Variants in ZNF345 observed in about 807,000 individuals in gnomAD.
ZNF345 encodes the protein zinc finger protein HZF10.
For missense variants in ZNF345, 527 were observed against 589.9 expected, an observed-to-expected ratio of 0.89 and a Z score of 1.10; for synonymous variants, 166 against 187.9, an observed-to-expected ratio of 0.88 and a Z score of 0.95.
At chr19:36,865,843 C>G (rs1373780467) in intron 2 of ZNF345, among the ~76,000 whole-genome samples, 1 of 152,152 alleles carries the variant, frequency 6.6e-6, no homozygotes, top group Admixed American at 6.5e-5. Flanking sequence ...TTACCTTCCA[C>G]TCATAGCTTG....
chr19:36,893,036 A>G (rs2146226054), downstream of ZNF345: 11 of 402,306 alleles, frequency 2.7e-5, no homozygotes, highest in East Asian at 3.9e-4. Flanking sequence ...TCACATGCAC[A>G]GAGTATGATA....
intron 3 of ZNF345, among the ~76,000 whole-genome samples, chr19:36,887,917 AAAT>A: frequency 6.6e-6 from 1 of 152,342 alleles, no homozygotes; most frequent in Admixed American, 6.5e-5. Context: ...AATCTAGAAA[AAAT>A]AATAGTTATG....
chr19:36,862,413 A>G (rs2072567931), intron 2 of ZNF345, among the ~76,000 whole-genome samples: 2 of 151,782 alleles, frequency 1.3e-5, no homozygotes, highest in African/African-American at 4.8e-5. Context: ...CTGTAATCCC[A>G]GCACTTTGGG....
chr19:36,877,663 GA>G lies in ZNF345; in HGVS notation c.835del (p.Ile279PhefsTer112). On this transcript the variant is annotated frameshift_variant, in exon 3 of 3. Transcript: ENST00000420450. LOFTEE classifies it low-confidence loss of function (END_TRUNC). The part of the protein sequence containing the change: ...SFGSALTRHQ[R>X]IHTGEKPYVC... The stretch of plus-strand genomic sequence containing the variant: ...GGATCAGCCCTTACTCGACATCAAA[GA>G]ATTCATACTGGTGAGAAACCTTATG... The G allele has an allele frequency of 6.2e-7, 1 of 1,614,038 alleles. No homozygotes were observed. The highest frequency in any genetic ancestry group is 8.5e-7 in the Non-Finnish European group (1 of 1,180,002).
intron 2 of ZNF345, among the ~76,000 whole-genome samples, chr19:36,875,551 C>G (rs1404514638): frequency 6.6e-6 from 1 of 152,076 alleles, no homozygotes; most frequent in African/African-American, 2.4e-5. Flanking sequence ...CTTTTAAGAG[C>G]GAGTTCATTT....
chr19:36,891,934 T>C (rs752088177), intron 3 of ZNF345: 1 of 1,614,048 alleles, frequency 6.2e-7, no homozygotes, highest in Non-Finnish European at 8.5e-7. Flanking sequence ...AATTCTCAGA[T>C]GTAGAAAAAG....
At chr19:36,880,271 C>T (rs934614187), downstream of ZNF345, among the ~76,000 whole-genome samples, 7 of 151,978 alleles carry the variant, frequency 4.6e-5, no homozygotes, top group Non-Finnish European at 5.9e-5. Context: ...ACCAAGATTG[C>T]ACCACTGAAC....
intron 2 of ZNF345, among the ~76,000 whole-genome samples, chr19:36,875,854 C>T (rs2072872297): frequency 6.6e-6 from 1 of 152,144 alleles, no homozygotes; most frequent in African/African-American, 2.4e-5. Flanking sequence ...CTTTCCTAGC[C>T]TCTACTTTTG....
rs766852183 is a variant in ZNF345, at chr19:36,877,883, T to C, written c.1053T>C (p.Phe351=). The C allele has an allele frequency of 1.2e-5, 19 of 1,613,938 alleles. No individual in the cohort carries two copies. Among genetic ancestry groups the C allele is most frequent in the Non-Finnish European group, 3.4e-6 (4 of 1,180,000 alleles). ...AATGTAAGGAATGTGGGAAGACCTTTAGTAGTGGTTCAGACCTTACTCAAC... is the reference window on the plus strand; with the variant it reads ...AATGTAAGGAATGTGGGAAGACCTTCAGTAGTGGTTCAGACCTTACTCAAC... The part of the protein sequence containing the change: ...PYECKECGKT[F]SSGSDLTQHH... The change falls in exon 3 of 3, where the codon TTT becomes TTC. Residue 351 remains phenylalanine, a synonymous_variant. Coordinates refer to ENST00000420450, the MANE Select transcript of ZNF345 (RefSeq NM_001242472.2).
intron 3 of ZNF345, among the ~76,000 whole-genome samples, chr19:36,886,491 A>G (rs1447152765): frequency 6.6e-6 from 1 of 152,236 alleles, no homozygotes; most frequent in African/African-American, 2.4e-5. Context: ...CATCAGTCAG[A>G]TCTTAGCGGA....
At chr19:36,863,900 A>C (rs1320318539) in intron 2 of ZNF345, among the ~76,000 whole-genome samples, 1 of 152,220 alleles carries the variant, frequency 6.6e-6, no homozygotes, top group African/African-American at 2.4e-5. Context: ...AATTAATTGT[A>C]ACATTACTGC....
chr19:36,853,113 C>G (rs920675626), intron 2 of ZNF345, among the ~76,000 whole-genome samples: 1 of 151,984 alleles, frequency 6.6e-6, no homozygotes, highest in Admixed American at 6.6e-5. Context: ...TGCCTTTTGA[C>G]AAATAGAAGT....
At chr19:36,864,386 G>T (rs1375198479) in intron 2 of ZNF345, among the ~76,000 whole-genome samples, 1 of 152,018 alleles carries the variant, frequency 6.6e-6, no homozygotes, top group Non-Finnish European at 1.5e-5. Flanking sequence ...TGTGGTGCAT[G>T]TGCCTGTATT....
intron 2 of ZNF345, among the ~76,000 whole-genome samples, chr19:36,866,477 A>G (rs2072662128): frequency 6.6e-6 from 1 of 152,194 alleles, no homozygotes; most frequent in Non-Finnish European, 1.5e-5. Context: ...AACTCCCTAA[A>G]GAATATTATA....
Position 36,877,176 on chromosome 19 carries a change from A to T in ZNF345, c.346A>T (p.Lys116Ter), listed in dbSNP as rs770500841. Residue 116 changes from lysine (K) to a stop codon, truncating the protein, a stop_gained, in exon 3 of 3, where the codon AAG becomes TAG. Transcript: ENST00000420450. LOFTEE classifies it low-confidence loss of function (END_TRUNC). ...CCATCAAAGAATTCATACTGGTGAGAAGCCTTTTGAATGTAAAGAATGTGG... is the reference window on the plus strand; with the variant it reads ...CCATCAAAGAATTCATACTGGTGAGTAGCCTTTTGAATGTAAAGAATGTGG... ...AYHQRIHTGE[K>*]PFECKECGKA... The T allele has an allele frequency of 6.2e-7, 1 of 1,614,148 alleles. No individual in the cohort carries two copies. The highest frequency in any genetic ancestry group is 8.5e-7 in the Non-Finnish European group (1 of 1,180,020).
chr19:36,866,799 C>T (rs188520648), intron 2 of ZNF345, among the ~76,000 whole-genome samples: 1 of 152,318 alleles, frequency 6.6e-6, no homozygotes, highest in African/African-American at 2.4e-5. Flanking sequence ...GATCCACTTG[C>T]CTCGGCCTTC....
Position 36,879,007 on chromosome 19 carries a change from T to C in ZNF345, c.*710T>C, listed in dbSNP as rs2072946269. Reference sequence around the variant, plus strand: ...GCCCGCCACCACGCCCAGCTAATTTTTTGTATTTTCATTAGAGATGGGGTT... The same window carrying C: ...GCCCGCCACCACGCCCAGCTAATTTCTTGTATTTTCATTAGAGATGGGGTT... On this transcript the variant is annotated 3_prime_UTR_variant, in exon 3 of 3. Coordinates refer to ENST00000420450, the MANE Select transcript of ZNF345 (RefSeq NM_001242472.2). The C allele has an allele frequency of 6.2e-6, 1 of 161,568 alleles. No homozygotes were observed. The highest frequency in any genetic ancestry group is 6.5e-5 in the Admixed American group (1 of 15,274). The allele number at this position is 161,568 out of a possible 1,614,324, so 10.0% of individuals were successfully genotyped here. A position where few individuals can be genotyped will look rare whatever the true frequency, so the allele number is the denominator to read the frequency against.
At chr19:36,882,337 G>A (rs1042016049), downstream of ZNF345, among the ~76,000 whole-genome samples, 1 of 151,794 alleles carries the variant, frequency 6.6e-6, no homozygotes, top group African/African-American at 2.4e-5. Flanking sequence ...GCGTGATCTC[G>A]GCTCACTGCA....
chr19:36,853,250 T>C (rs569964740), intron 2 of ZNF345, among the ~76,000 whole-genome samples: 53 of 147,980 alleles, frequency 3.6e-4, no homozygotes, highest in Middle Eastern at 3.5e-3. Context: ...TCTTTCTTTT[T>C]TTTTTTTTTT....
Sources: gnomAD v4.1 joint callset for allele counts (sites outside exome capture counted in the v4.1 genomes callset) on GRCh38, gnomAD v4.1.1 for gene constraint, MANE v1.5 for transcripts, NCBI Gene and HGNC (gene_info 2026-07-23, HGNC 2026-07-21) for gene names.